The following MYRIP variants were observed in gnomAD, a reference collection of about 807,000 sequenced individuals.
MYRIP encodes the protein myosin VIIA and Rab interacting protein, also known as rab effector MyRIP.
Under a neutral mutation model 98.0 loss-of-function variants are expected in MYRIP, and 49 were observed. The ratio of observed to expected loss-of-function variants is 0.50; its 90% CI spans 0.40 to 0.63. The LOEUF is 0.63. Among genes scored for constraint, MYRIP ranks in the 30% least tolerant of loss-of-function variants. The pLI is 0.00. For missense variants in MYRIP, 1,004 were observed against 1,058.2 expected, an observed-to-expected ratio of 0.95 and a Z score of 0.71; for synonymous variants, 404 against 409.5, an observed-to-expected ratio of 0.99 and a Z score of 0.16.
intron 11 of MYRIP, among the ~76,000 whole-genome samples, chr3:40,218,627 TATATA>T (rs1279006290): frequency 0.056 from 939 of 16,906 alleles, 39 homozygotes; most frequent in African/African-American, 0.069. Flanking sequence ...TATATATATA[TATATA>T]TATATATATA....
intron 2 of MYRIP, among the ~76,000 whole-genome samples, chr3:39,920,243 G>GA (rs145432096): frequency 0.037 from 5,618 of 152,140 alleles, 347 homozygotes; most frequent in African/African-American, 0.13. Context: ...CATAATTATA[G>GA]ATACCTTTAA....
At chr3:40,044,463 C>G (rs936241150) in intron 3 of MYRIP, among the ~76,000 whole-genome samples, 192 bp downstream of exon 3, 2 of 152,062 alleles carry the variant, frequency 1.3e-5, no homozygotes, top group Non-Finnish European at 2.9e-5. Flanking sequence ...TGAGAGAGGG[C>G]CCCCCAGGAG....
intron 1 of MYRIP, among the ~76,000 whole-genome samples, chr3:39,867,149 CT>C (rs947744457): frequency 6.6e-6 from 1 of 152,152 alleles, no homozygotes; most frequent in African/African-American, 2.4e-5. Flanking sequence ...AATAGGGCTC[CT>C]CTCTTACACT....
rs1023234564 is a variant in MYRIP at position 40,197,237 on chromosome 3, G to A, written c.1665+6774G>A. On this transcript the variant is annotated intron_variant, in intron 10 of 16. Transcript: ENST00000302541. The stretch of plus-strand genomic sequence containing the variant: ...ACATGTGCAGTTCACAATAGGGTTC[G>A]CGCTACTCTGAGAATCTAATGCCAC... 2.6e-5 allele frequency among the ~76,000 whole-genome samples: 4 copies of A among 152,056 alleles called. No homozygotes were observed. In the East Asian group the frequency reaches 5.8e-4, roughly 22 times the overall value.
At chr3:39,894,382 G>A (rs778972777) in intron 1 of MYRIP, among the ~76,000 whole-genome samples, 4 of 151,980 alleles carry the variant, frequency 2.6e-5, no homozygotes, top group Non-Finnish European at 1.5e-5. Flanking sequence ...TATACAATTG[G>A]GATCATCCAT....
chr3:40,166,562 G>A (rs1950504272), intron 5 of MYRIP, among the ~76,000 whole-genome samples: 2 of 152,166 alleles, frequency 1.3e-5, no homozygotes, highest in Admixed American at 1.3e-4. Flanking sequence ...AAGCCTTGGG[G>A]TCCGTGGGAA....
intron 2 of MYRIP, among the ~76,000 whole-genome samples, chr3:39,997,343 A>T (rs1365266918): frequency 6.6e-6 from 1 of 152,128 alleles, no homozygotes; most frequent in Non-Finnish European, 1.5e-5. Context: ...AAAAAATGAT[A>T]AAAGGGATAT....
intron 2 of MYRIP, among the ~76,000 whole-genome samples, chr3:39,924,519 A>G (rs534299535): frequency 6.6e-6 from 1 of 152,212 alleles, no homozygotes; most frequent in South Asian, 2.1e-4. Flanking sequence ...AAAATAGACA[A>G]GCCAACAGTT....
chr3:40,219,957 TAA>T (rs1449119147), intron 11 of MYRIP, among the ~76,000 whole-genome samples: 3 of 146,648 alleles, frequency 2.0e-5, no homozygotes. Context: ...ACCAACAGTG[TAA>T]AAGTGTTCCT....
chr3:40,035,003 C>T (rs1023662618), intron 2 of MYRIP, among the ~76,000 whole-genome samples: 78 of 141,454 alleles, frequency 5.5e-4, no homozygotes, highest in African/African-American at 2.0e-3. Context: ...TGTTCTCACT[C>T]ATAGGTGGGA....
chr3:40,069,718 G>A (rs561152117), intron 3 of MYRIP, among the ~76,000 whole-genome samples: 17 of 152,228 alleles, frequency 1.1e-4, no homozygotes, highest in African/African-American at 3.9e-4. Flanking sequence ...AGTGGTCCTC[G>A]ACCTTTTTGG....
At chr3:40,094,576 T>C (rs571006575) in intron 3 of MYRIP, among the ~76,000 whole-genome samples, 4 of 152,274 alleles carry the variant, frequency 2.6e-5, no homozygotes, top group Admixed American at 2.6e-4. Context: ...GAATCTCATG[T>C]TTAGTCACCT....
intron 12 of MYRIP, among the ~76,000 whole-genome samples, chr3:40,241,643 G>T (rs1394909086): frequency 1.3e-5 from 2 of 152,076 alleles, no homozygotes; most frequent in African/African-American, 4.8e-5. Context: ...ATCACAAATA[G>T]GTGTTTCATT....
chr3:40,117,943 AT>A (rs758899723), intron 3 of MYRIP, among the ~76,000 whole-genome samples: 2 of 152,196 alleles, frequency 1.3e-5, no homozygotes, highest in Non-Finnish European at 2.9e-5. Flanking sequence ...TCAAAAGCAA[AT>A]GGCAGACTAG....
At chr3:39,912,650 A>T (rs1246407002) in intron 2 of MYRIP, among the ~76,000 whole-genome samples, 1 of 152,196 alleles carries the variant, frequency 6.6e-6, no homozygotes, top group Non-Finnish European at 1.5e-5. Context: ...ATGGTAGAGG[A>T]TGGAGGTTTG....
Position 40,204,101 on chromosome 3 carries a change from A to G in MYRIP, c.1666-5753A>G, listed in dbSNP as rs1354181096. ...AATATATTTATATATTATATAATAT[A>G]TTATATAATATATAAATATAGAGTA... On this transcript the variant is annotated intron_variant, in intron 10 of 16. Coordinates refer to ENST00000302541, the MANE Select transcript of MYRIP (RefSeq NM_015460.4). 1.5e-4 allele frequency among the ~76,000 whole-genome samples: 2 copies of G among 13,114 alleles called. 1 individual carries two copies. Among genetic ancestry groups the G allele is most frequent in the Non-Finnish European group, 3.5e-4 (2 of 5,770 alleles). 8.6% of individuals were successfully genotyped at this position (13,114 alleles called of 152,430 possible). A position where few individuals can be genotyped will look rare whatever the true frequency, so the allele number is the denominator to read the frequency against.
intron 12 of MYRIP, among the ~76,000 whole-genome samples, chr3:40,239,047 T>C (rs1952914452): frequency 1.7e-5 from 2 of 116,822 alleles, no homozygotes; most frequent in East Asian, 2.9e-4. Context: ...CCCAATGCTA[T>C]CCCTCCCCCC....
intron 3 of MYRIP, among the ~76,000 whole-genome samples, chr3:40,105,743 G>T (rs1358276292): frequency 1.3e-5 from 2 of 152,142 alleles, no homozygotes; most frequent in Admixed American, 6.5e-5. Flanking sequence ...GGGGAAGAAA[G>T]GACCTTCTTC....
chr3:39,834,755 G>C (rs768847420), intron 1 of MYRIP, among the ~76,000 whole-genome samples: 1 of 152,004 alleles, frequency 6.6e-6, no homozygotes, highest in Non-Finnish European at 1.5e-5. Flanking sequence ...GGTAATTGCT[G>C]TTAAAGTTTA....
Sources: allele counts gnomAD v4.1 joint callset (sites outside exome capture counted in the v4.1 genomes callset), GRCh38; gene constraint gnomAD v4.1.1; transcripts MANE v1.5; gene names NCBI Gene and HGNC (gene_info 2026-07-23, HGNC 2026-07-21).